Variants in CREM observed in about 807,000 individuals in gnomAD.
CREM encodes the protein cAMP-responsive element modulator.
CREM carries 13 observed loss-of-function variants against 37.3 expected under a neutral mutation model. That is an observed-to-expected ratio of 0.35 (90% confidence interval 0.23 to 0.55). The LOEUF is 0.55. Ranked by LOEUF, CREM falls within the 20% of genes least tolerant of loss-of-function variation. The pLI, the probability that CREM is intolerant of heterozygous loss-of-function variation, is 0.88. For missense variants in CREM, 296 were observed against 362.3 expected (o/e 0.82, Z 1.49); for synonymous variants, 124 against 120.2 (o/e 1.03, Z -0.21).
intron 5 of CREM, among the ~76,000 whole-genome samples, chr10:35,184,094 A>G (rs1158302707): frequency 6.6e-6 from 1 of 152,124 alleles, no homozygotes; most frequent in Non-Finnish European, 1.5e-5. Flanking sequence ...GAACAAATAA[A>G]TAAATAAGAA....
chr10:35,145,554 G>A (rs2091979664), intron 2 of CREM, among the ~76,000 whole-genome samples: 1 of 152,150 alleles, frequency 6.6e-6, no homozygotes, highest in Admixed American at 6.5e-5. Flanking sequence ...GCCAAGGCAG[G>A]CAGATCACCT....
intron 1 of CREM, among the ~76,000 whole-genome samples, chr10:35,130,844 T>C (rs1411797690): frequency 6.6e-6 from 1 of 152,238 alleles, no homozygotes; most frequent in East Asian, 1.9e-4. Flanking sequence ...CTAATATTTC[T>C]AAGAATGTAT....
chr10:35,192,934 C>T (rs1427880939), intron 6 of CREM, among the ~76,000 whole-genome samples: 6 of 152,204 alleles, frequency 3.9e-5, no homozygotes, highest in Non-Finnish European at 8.8e-5. Flanking sequence ...CTCCACTTCT[C>T]CCTCTTTTGT....
intron 7 of CREM, among the ~76,000 whole-genome samples, chr10:35,207,293 C>T (rs972086345): frequency 6.6e-6 from 1 of 151,994 alleles, no homozygotes; most frequent in African/African-American, 2.4e-5. Flanking sequence ...ACTTGGGAGG[C>T]TGAGGCAGGA....
intron 3 of CREM, among the ~76,000 whole-genome samples, chr10:35,169,968 T>TA (rs773279418): frequency 6.6e-6 from 1 of 150,576 alleles, no homozygotes; most frequent in African/African-American, 2.4e-5. Flanking sequence ...GGAGAAGCTT[T>TA]TTTTTTTTTT....
At chr10:35,187,023 ATATCACATATAATATATAT>A (rs2094606426) in intron 5 of CREM, among the ~76,000 whole-genome samples, 1 of 82,890 alleles carries the variant, frequency 1.2e-5, no homozygotes, top group Non-Finnish European at 2.1e-5. Flanking sequence ...TATATAATAT[ATATCACATATAATATATAT>A]TATATATAAT....
intron 3 of CREM, among the ~76,000 whole-genome samples, chr10:35,178,322 G>A (rs947446600): frequency 1.3e-5 from 2 of 152,054 alleles, no homozygotes; most frequent in Non-Finnish European, 2.9e-5. Context: ...AAGACCCACC[G>A]CCACCAAGCC....
At chr10:35,164,125 T>A (rs919011268) in intron 3 of CREM, among the ~76,000 whole-genome samples, 1 of 152,244 alleles carries the variant, frequency 6.6e-6, no homozygotes, top group African/African-American at 2.4e-5. Flanking sequence ...TTATGCAGTT[T>A]TAAGTATTAA....
At chr10:35,144,184 C>T (rs1394346999) in intron 2 of CREM, among the ~76,000 whole-genome samples, 2 of 152,094 alleles carry the variant, frequency 1.3e-5, no homozygotes, top group African/African-American at 4.8e-5. Context: ...GGACAGTGCC[C>T]AGTGCTAAAT....
intron 5 of CREM, among the ~76,000 whole-genome samples, chr10:35,185,843 A>G (rs1313936284): frequency 1.3e-5 from 2 of 152,212 alleles, no homozygotes; most frequent in African/African-American, 4.8e-5. Flanking sequence ...AACACAGAGA[A>G]CGCAGCATGT....
chr10:35,144,767 G>T, intron 2 of CREM, among the ~76,000 whole-genome samples: 1 of 147,060 alleles, frequency 6.8e-6, no homozygotes, highest in Non-Finnish European at 1.5e-5. Flanking sequence ...GAGACTTCTT[G>T]GATTCTACAG....
At chr10:35,129,170 G>A (rs1034869151) in intron 1 of CREM, among the ~76,000 whole-genome samples, 2 of 152,190 alleles carry the variant, frequency 1.3e-5, no homozygotes, top group Non-Finnish European at 2.9e-5. Flanking sequence ...TGGTGATTGC[G>A]AAGTTGTAAT....
chr10:35,209,929 G>A (rs2095627533), intron 7 of CREM, among the ~76,000 whole-genome samples: 2 of 152,050 alleles, frequency 1.3e-5, no homozygotes, highest in Admixed American at 1.3e-4. Context: ...ATGTTCACAG[G>A]GTGAGTCCAT....
intron 5 of CREM, among the ~76,000 whole-genome samples, chr10:35,186,340 G>T (rs2094552140): frequency 6.6e-6 from 1 of 152,024 alleles, no homozygotes. Flanking sequence ...GAAGCTTCAA[G>T]TCAATTAATA....
At chr10:35,177,002 T>A (rs2094123443) in intron 3 of CREM, among the ~76,000 whole-genome samples, 1 of 152,340 alleles carries the variant, frequency 6.6e-6, no homozygotes, top group East Asian at 1.9e-4. Flanking sequence ...TCTTAATTAC[T>A]GAATTTATTT....
intron 3 of CREM, among the ~76,000 whole-genome samples, chr10:35,165,847 C>T (rs2093524773): frequency 6.6e-6 from 1 of 151,878 alleles, no homozygotes; most frequent in African/African-American, 2.4e-5. Context: ...GGGCACTGTT[C>T]TCAAAGGATA....
At chr10:35,140,264 G>T (rs1225928684) in intron 2 of CREM, among the ~76,000 whole-genome samples, 2 of 152,150 alleles carry the variant, frequency 1.3e-5, no homozygotes, top group East Asian at 3.8e-4. Context: ...GTATGAAAGA[G>T]AAAGCATATC....
intron 1 of CREM, among the ~76,000 whole-genome samples, chr10:35,128,523 A>T (rs1589118400): frequency 1.5e-5 from 2 of 136,206 alleles, no homozygotes; most frequent in African/African-American, 2.8e-5. Flanking sequence ...TTTTTTTCCT[A>T]GTCTTTTTTT....
intron 5 of CREM, among the ~76,000 whole-genome samples, chr10:35,184,453 A>G (rs1407683352): frequency 6.6e-6 from 1 of 152,168 alleles, no homozygotes; most frequent in Non-Finnish European, 1.5e-5. Flanking sequence ...GCACTGGGAA[A>G]TTTTGTTTAT....
Sources: allele counts gnomAD v4.1 joint callset (sites outside exome capture counted in the v4.1 genomes callset), GRCh38; gene constraint gnomAD v4.1.1; transcripts MANE v1.5; gene names NCBI Gene and HGNC (gene_info 2026-07-23, HGNC 2026-07-21).